DOCK7: variants seen among roughly 807,000 people sequenced by gnomAD.
DOCK7 encodes dedicator of cytokinesis protein 7.
Under a neutral mutation model 271.0 loss-of-function variants are expected in DOCK7, and 138 were observed. That is an observed-to-expected ratio of 0.51 (90% CI 0.44 to 0.59). DOCK7 has a LOEUF of 0.59. DOCK7 is among the 20% of genes least tolerant of loss of function. The pLI, the probability that DOCK7 is intolerant of heterozygous loss-of-function variation, is 0.00. For synonymous variants in DOCK7, 823 were observed against 876.1 expected (o/e 0.94, Z 1.07); for missense variants, 2,066 against 2,592.4 (o/e 0.80, Z 4.41).
intron 1 of DOCK7, among the ~76,000 whole-genome samples, chr1:62,672,079 A>T (rs902670522): frequency 1.3e-5 from 2 of 152,116 alleles, no homozygotes; most frequent in African/African-American, 4.8e-5. Context: ...TGAAAATAAA[A>T]GGTCCATCTC....
Position 62,583,181 on chromosome 1 carries a change from T to C in DOCK7, c.1871+3A>G. On this transcript the variant is annotated splice_donor_region_variant and intron_variant, in intron 16 of 49. Coordinates refer to ENST00000635253, the MANE Select transcript of DOCK7 (RefSeq NM_001367561.1). The stretch of plus-strand genomic sequence containing the variant: ...CTTTGAAAGAAATATTTGAATTCAG[T>C]ACCTGTTATGATATACTACGGCTGT... 1 of 1,606,916 alleles carries C rather than the reference T, an allele frequency of 6.2e-7. No homozygotes were observed. Among genetic ancestry groups the C allele is most frequent in the South Asian group, 1.1e-5 (1 of 90,622 alleles).
chr1:62,493,236 C>T (rs1037104799), intron 40 of DOCK7, among the ~76,000 whole-genome samples: 14 of 152,018 alleles, frequency 9.2e-5, no homozygotes, highest in Admixed American at 1.3e-4. Flanking sequence ...CTAATGTACA[C>T]GGAGTTAATG....
chr1:62,625,270 A>C lies in DOCK7; in HGVS notation c.1414T>G (p.Phe472Val), dbSNP rs1477872975. ...FRPATLTVTN[F>V]FKQEGDRLSD... ...TGACAGAACAATACCTGCTTAAAAA[A>C]ATTTGTCACTGTGAGAGTAGCTGGT... Residue 472 changes from phenylalanine to valine, a missense_variant, in exon 12 of 50, where the codon TTT becomes GTT. Coordinates refer to ENST00000635253, the MANE Select transcript of DOCK7 (RefSeq NM_001367561.1). 2 of 1,613,780 alleles carry C rather than the reference A, an allele frequency of 1.2e-6. No homozygotes were observed. The highest frequency in any genetic ancestry group is 1.7e-6 in the Non-Finnish European group (2 of 1,179,936).
chr1:62,518,958 T>C (rs1644760215), intron 31 of DOCK7, among the ~76,000 whole-genome samples: 1 of 151,218 alleles, frequency 6.6e-6, no homozygotes, highest in African/African-American at 2.4e-5. Flanking sequence ...AAAAGAAGTA[T>C]CTAAAACATA....
chr1:62,583,987 G>A, intron 15 of DOCK7: 1 of 255,326 alleles, frequency 3.9e-6, no homozygotes, highest in Non-Finnish European at 6.2e-6. Flanking sequence ...ATTCCTATGT[G>A]AGACAGACTT....
At chr1:62,620,156 C>T (rs1272987248) in intron 12 of DOCK7, among the ~76,000 whole-genome samples, 163 bp from the exon 13 acceptor site, 1 of 151,404 alleles carries the variant, frequency 6.6e-6, no homozygotes, top group African/African-American at 2.4e-5. Context: ...CCCGTCTCTA[C>T]TAAAAATACA....
intron 12 of DOCK7, among the ~76,000 whole-genome samples, chr1:62,620,215 T>C (rs1652985489): frequency 6.6e-6 from 1 of 151,632 alleles, no homozygotes; most frequent in South Asian, 2.1e-4. Flanking sequence ...CCCAGCTACA[T>C]GGGAGGCTGA....
chr1:62,580,123 A>C (rs1350066003), intron 16 of DOCK7, among the ~76,000 whole-genome samples: 2 of 152,226 alleles, frequency 1.3e-5, no homozygotes, highest in Non-Finnish European at 2.9e-5. Context: ...CTATCTTTAA[A>C]GCGAGGTCTG....
At chr1:62,642,351 G>A (rs1373518000) in intron 7 of DOCK7, among the ~76,000 whole-genome samples, 4 of 151,954 alleles carry the variant, frequency 2.6e-5, no homozygotes, top group South Asian at 2.1e-4. Flanking sequence ...TGATCTGTCC[G>A]CCTCGGCCTC....
chr1:62,553,350 ATATATTTTTT>A (rs1646011610), intron 21 of DOCK7, among the ~76,000 whole-genome samples: 6 of 14,870 alleles, frequency 4.0e-4, no homozygotes, highest in African/African-American at 1.8e-3. Context: ...ATATATATAT[ATATATTTTTT>A]TTTTTTTTTT....
intron 4 of DOCK7, among the ~76,000 whole-genome samples, chr1:62,650,504 G>C (rs1169597911): frequency 6.6e-6 from 1 of 152,114 alleles, no homozygotes; most frequent in East Asian, 1.9e-4. Flanking sequence ...AGAGTGAACA[G>C]GCAACCTACA....
At chr1:62,515,158 A>C in intron 31 of DOCK7, among the ~76,000 whole-genome samples, 1 of 151,056 alleles carries the variant, frequency 6.6e-6, no homozygotes, top group Non-Finnish European at 1.5e-5. Context: ...AAAAAACCTG[A>C]CCACCAGAAG....
chr1:62,457,486 A>C, intron 49 of DOCK7, 52 bp downstream of exon 49: 1 of 1,548,974 alleles, frequency 6.5e-7, no homozygotes, highest in Non-Finnish European at 8.8e-7. Context: ...CTAGTTTAAC[A>C]TGTTAGGTTT....
At chr1:62,576,432 C>T (rs1039852280) in intron 18 of DOCK7, among the ~76,000 whole-genome samples, 28 of 152,142 alleles carry the variant, frequency 1.8e-4, no homozygotes, top group African/African-American at 6.5e-4. Context: ...TAAGGAACAG[C>T]AGAGGCTCTG....
At chr1:62,470,197 G>A (rs1253220246) in intron 48 of DOCK7, among the ~76,000 whole-genome samples, 1 of 152,138 alleles carries the variant, frequency 6.6e-6, no homozygotes, top group Non-Finnish European at 1.5e-5. Flanking sequence ...GAATAAAGAA[G>A]CTGTGGTGTA....
intron 29 of DOCK7, among the ~76,000 whole-genome samples, chr1:62,533,910 A>T (rs1055827392): frequency 2.6e-5 from 4 of 152,152 alleles, no homozygotes; most frequent in Non-Finnish European, 5.9e-5. Flanking sequence ...TACTACAAAA[A>T]AAAAATTTTA....
chr1:62,543,624 C>A, intron 24 of DOCK7, 32 bp downstream of exon 24: 2 of 1,467,812 alleles, frequency 1.4e-6, no homozygotes, highest in South Asian at 1.2e-5. Context: ...AATTATTTTC[C>A]CCCTCTATGA....
intron 29 of DOCK7, among the ~76,000 whole-genome samples, chr1:62,534,922 C>T (rs1283275833): frequency 6.6e-6 from 1 of 152,042 alleles, no homozygotes; most frequent in East Asian, 1.9e-4. Context: ...GAAACCCCAT[C>T]TCTACTACAA....
At chr1:62,654,245 T>A (rs546438426) in intron 2 of DOCK7, 86 bp from the exon 3 acceptor site, 119 of 1,294,814 alleles carry the variant, frequency 9.2e-5, no homozygotes, top group Non-Finnish European at 1.2e-4. Context: ...AACATTTTTT[T>A]AAATAAAAGC....
Sources: allele counts gnomAD v4.1 joint callset (sites outside exome capture counted in the v4.1 genomes callset), GRCh38; gene constraint gnomAD v4.1.1; transcripts MANE v1.5; gene names NCBI Gene and HGNC (gene_info 2026-07-23, HGNC 2026-07-21).